Variants in USP6NL observed in about 807,000 individuals in gnomAD.
USP6NL encodes USP6 N-terminal-like protein.
USP6NL carries 26 observed loss-of-function variants against 61.9 expected under a neutral mutation model. The ratio of observed to expected loss-of-function variants is 0.42; its 90% CI spans 0.31 to 0.58. The LOEUF (loss-of-function observed/expected upper bound fraction) is 0.58, where lower values mean the gene tolerates loss of function less well. Ranked by LOEUF, USP6NL falls within the 20% of genes least tolerant of loss-of-function variation. The probability of loss-of-function intolerance (pLI) is 0.16; values close to 1 mark genes in which losing one functional copy is unlikely to be tolerated. For missense variants in USP6NL, 1,114 were observed against 1,034.3 expected, an observed-to-expected ratio of 1.08 and a Z score of -1.06; for synonymous variants, 432 against 390.1, an observed-to-expected ratio of 1.11 and a Z score of -1.27.
At chr10:11,524,734 TCC>T (rs1432314445) in intron 4 of USP6NL, among the ~76,000 whole-genome samples, 2 of 152,138 alleles carry the variant, frequency 1.3e-5, no homozygotes, top group African/African-American at 4.8e-5. Context: ...ATTTAGTTAA[TCC>T]TTAAATTGCA....
intron 2 of USP6NL, among the ~76,000 whole-genome samples, chr10:11,594,143 C>T (rs985256266): frequency 1.1e-4 from 17 of 152,056 alleles, no homozygotes; most frequent in Non-Finnish European, 2.2e-4. Context: ...CACTTGATCA[C>T]GACCATTTGG....
At chr10:11,530,713 T>C (rs1336672989) in intron 2 of USP6NL, among the ~76,000 whole-genome samples, 1 of 152,222 alleles carries the variant, frequency 6.6e-6, no homozygotes, top group Non-Finnish European at 1.5e-5. Flanking sequence ...TCTGTTTCTC[T>C]GAGGAAACTA....
At chr10:11,477,257 A>G (rs942220233) in intron 14 of USP6NL, among the ~76,000 whole-genome samples, 2 of 152,242 alleles carry the variant, frequency 1.3e-5, no homozygotes, top group Non-Finnish European at 2.9e-5. Context: ...GATACAAGCC[A>G]ATTAATAAAG....
At chr10:11,533,502 G>A (rs1332390103) in intron 2 of USP6NL, among the ~76,000 whole-genome samples, 1 of 152,160 alleles carries the variant, frequency 6.6e-6, no homozygotes, top group African/African-American at 2.4e-5. Flanking sequence ...GGTCCAGTGT[G>A]GTCACAAGAA....
intron 5 of USP6NL, among the ~76,000 whole-genome samples, chr10:11,517,836 A>C (rs916596201): frequency 6.6e-6 from 1 of 152,212 alleles, no homozygotes; most frequent in African/African-American, 2.4e-5. Flanking sequence ...ATGAACTGAT[A>C]ATAATCCCAG....
intron 5 of USP6NL, among the ~76,000 whole-genome samples, chr10:11,512,398 A>T (rs1453777023): frequency 6.6e-6 from 1 of 152,060 alleles, no homozygotes; most frequent in East Asian, 1.9e-4. Flanking sequence ...TCCCCAGTTC[A>T]GGTAATCAGA....
intron 10 of USP6NL, among the ~76,000 whole-genome samples, chr10:11,488,805 T>C (rs139865352): frequency 4.3e-4 from 66 of 152,346 alleles, no homozygotes; most frequent in African/African-American, 1.4e-3. Flanking sequence ...ATAATATACC[T>C]GTTCTTAAAT....
Position 11,494,913 on chromosome 10 carries a change from C to T in USP6NL, c.385-1685G>A, listed in dbSNP as rs575708796. Among the ~76,000 whole-genome samples the T allele has an allele frequency of 2.2e-3, 328 of 152,186 alleles. 7 individuals are homozygous for T. Among genetic ancestry groups the T allele is most frequent in the Non-Finnish European group, 4.3e-4 (29 of 68,002 alleles). ...CATCACAGGGAGACGGTTAGGCCTC[C>T]GGATAACTGCAGGCGAGCCTGACTA... On this transcript the variant is annotated intron_variant, in intron 7 of 14. Coordinates refer to ENST00000609104, the MANE Select transcript of USP6NL (RefSeq NM_014688.5).
intron 2 of USP6NL, among the ~76,000 whole-genome samples, chr10:11,572,739 T>C (rs1433674472): frequency 1.3e-5 from 2 of 152,084 alleles, no homozygotes; most frequent in African/African-American, 4.8e-5. Flanking sequence ...GCTTAATACA[T>C]GTGAATGCTT....
Position 11,562,538 on chromosome 10 carries a change from G to A in USP6NL, c.5-34971C>T. The A allele has an allele frequency of 1.0e-6, 1 of 985,406 alleles. No homozygotes were observed. The highest frequency in any genetic ancestry group is 4.7e-5 in the South Asian group (1 of 21,292). 61.0% of individuals were successfully genotyped at this position (985,406 alleles called of 1,614,324 possible). On this transcript the variant is annotated intron_variant, in intron 2 of 14. Coordinates refer to ENST00000609104, the MANE Select transcript of USP6NL (RefSeq NM_014688.5). The surrounding 1 kb of genome is among the most constrained non-coding windows in gnomAD (Gnocchi z 4.8). ...TCACTCAAGACATTGCTTGGCCACT[G>A]TGACTACTCTGAGTCTAGCTAGCCT...
chr10:11,486,559 A>T (rs561642016), intron 10 of USP6NL, among the ~76,000 whole-genome samples: 1 of 152,158 alleles, frequency 6.6e-6, no homozygotes, highest in Non-Finnish European at 1.5e-5. Flanking sequence ...TGAACTTTAC[A>T]TCTATTTTTC....
intron 1 of USP6NL, among the ~76,000 whole-genome samples, chr10:11,604,972 T>C (rs1166364607): frequency 6.6e-6 from 1 of 152,182 alleles, no homozygotes; most frequent in Non-Finnish European, 1.5e-5. Flanking sequence ...TACTGTATGT[T>C]ATGTGAGTGA....
In USP6NL at chr10:11,525,673, A is replaced by G. The variant is rs375666326; in HGVS notation, c.73-205T>C. On this transcript the variant is annotated intron_variant, in intron 3 of 14. Transcript: ENST00000609104. This position sits in a 1 kb window ranked among gnomAD's most constrained non-coding sequence, Gnocchi z 5.0. Reference sequence around the variant, plus strand: ...AGATAAACACTATTTCCTAGTTATGACTCTGGAAGATGCTGTGTGTCAGCA... The same window carrying G: ...AGATAAACACTATTTCCTAGTTATGGCTCTGGAAGATGCTGTGTGTCAGCA... 6.6e-5 allele frequency among the ~76,000 whole-genome samples: 10 copies of G among 152,214 alleles called. No individual in the cohort carries two copies. The South Asian group carries it at 2.1e-3, about 32-fold the overall frequency.
At chr10:11,475,658 C>T (rs940570933) in intron 14 of USP6NL, among the ~76,000 whole-genome samples, 2 of 146,938 alleles carry the variant, frequency 1.4e-5, no homozygotes, top group Admixed American at 6.8e-5. Context: ...CACTATTTTG[C>T]AACCTCTGAA....
chr10:11,536,908 CAAGAA>C (rs1423797174), intron 2 of USP6NL, among the ~76,000 whole-genome samples: 1 of 152,034 alleles, frequency 6.6e-6, no homozygotes, highest in African/African-American at 2.4e-5. Flanking sequence ...TTGGGAACAA[CAAGAA>C]AAGAGACAGG....
chr10:11,512,987 C>T (rs1237652711), intron 5 of USP6NL, among the ~76,000 whole-genome samples: 1 of 152,234 alleles, frequency 6.6e-6, no homozygotes, highest in Non-Finnish European at 1.5e-5. Flanking sequence ...ATTGTTACAG[C>T]ACCTAACACC....
intron 1 of USP6NL, among the ~76,000 whole-genome samples, chr10:11,603,559 A>G (rs1042289084): frequency 6.6e-6 from 1 of 152,244 alleles, no homozygotes; most frequent in Non-Finnish European, 1.5e-5. Flanking sequence ...ACTATAGCAG[A>G]CACCATGAAA....
At chr10:11,519,338 A>T (rs1228307735) in intron 4 of USP6NL, among the ~76,000 whole-genome samples, 1 of 152,200 alleles carries the variant, frequency 6.6e-6, no homozygotes, top group Non-Finnish European at 1.5e-5. Context: ...CAGTACAACA[A>T]AGAATGCTTG....
rs1832981013 is a variant in USP6NL, at chr10:11,476,729, G to A, written c.1078+5041C>T. ...AAACCAAAAATTTAAATGGTAGACA[G>A]TGTATGTAGATTATAACAATGATAA... On this transcript the variant is annotated intron_variant, in intron 14 of 14. Coordinates refer to ENST00000609104, the MANE Select transcript of USP6NL (RefSeq NM_014688.5). This position sits in a 1 kb window ranked among gnomAD's most constrained non-coding sequence, Gnocchi z 4.3. Among the ~76,000 whole-genome samples the A allele has an allele frequency of 6.6e-6, 1 of 152,130 alleles. No individual in the cohort carries two copies. The highest frequency in any genetic ancestry group is 2.4e-5 in the African/African-American group (1 of 41,430).
Sources: gnomAD v4.1 joint callset for allele counts (sites outside exome capture counted in the v4.1 genomes callset) on GRCh38, gnomAD v4.1.1 for gene constraint, Gnocchi (gnomAD v3.1) non-coding constraint, MANE v1.5 for transcripts, NCBI Gene and HGNC (gene_info 2026-07-23, HGNC 2026-07-21) for gene names.